Variants in TGFA observed in about 807,000 individuals in gnomAD.
TGFA encodes transforming growth factor alpha, also known as protransforming growth factor alpha.
TGFA carries 12 observed loss-of-function variants against 21.7 expected under a neutral mutation model. The ratio of observed to expected loss-of-function variants is 0.55; its 90% CI spans 0.35 to 0.90. The LOEUF is 0.90. Ranked by LOEUF, TGFA falls within the 40% of genes least tolerant of loss-of-function variation. The pLI is 0.01. For synonymous variants in TGFA, 79 were observed against 88.1 expected (o/e 0.90, Z 0.58); for missense variants, 178 against 210.8 (o/e 0.84, Z 0.96).
intron 4 of TGFA, 30 bp from the exon 5 acceptor site, chr2:70,453,357 C>T (rs1291571540): frequency 6.2e-7 from 1 of 1,602,088 alleles, no homozygotes; most frequent in Non-Finnish European, 8.5e-7. Flanking sequence ...CCAGTCTGGG[C>T]AGGAGCCTGG....
chr2:70,512,226 G>A (rs535430920), intron 2 of TGFA, among the ~76,000 whole-genome samples: 1 of 152,288 alleles, frequency 6.6e-6, no homozygotes, highest in South Asian at 2.1e-4. Context: ...TCATGTCTGG[G>A]TCTCATGGGG....
intron 2 of TGFA, among the ~76,000 whole-genome samples, chr2:70,513,371 A>C (rs1304591546): frequency 6.6e-6 from 1 of 152,128 alleles, no homozygotes; most frequent in Admixed American, 6.6e-5. Flanking sequence ...TTTCCTCCCT[A>C]TATGTTCATA....
chr2:70,457,466 G>A (rs953999466), intron 3 of TGFA, among the ~76,000 whole-genome samples: 23 of 151,624 alleles, frequency 1.5e-4, no homozygotes, highest in East Asian at 7.7e-4. Context: ...TTGTTACTTC[G>A]TTACTCCCTT....
intron 1 of TGFA, among the ~76,000 whole-genome samples, chr2:70,528,371 G>A (rs972170232): frequency 5.9e-5 from 9 of 152,258 alleles, no homozygotes; most frequent in Middle Eastern, 3.4e-3. Flanking sequence ...TGATCTCGCC[G>A]GGCTGGGCTG....
intron 2 of TGFA, among the ~76,000 whole-genome samples, chr2:70,490,805 A>G (rs1467337735): frequency 2.0e-5 from 3 of 152,214 alleles, no homozygotes; most frequent in African/African-American, 7.2e-5. Context: ...GACAAGTCTC[A>G]GCTTATGGTG....
At chr2:70,510,516 C>T (rs988660847) in intron 2 of TGFA, among the ~76,000 whole-genome samples, 1 of 152,114 alleles carries the variant, frequency 6.6e-6, no homozygotes, top group African/African-American at 2.4e-5. Context: ...CAAATCCAAA[C>T]AGGAACCAGA....
chr2:70,487,486 T>G (rs557086223), intron 2 of TGFA, among the ~76,000 whole-genome samples: 37 of 152,334 alleles, frequency 2.4e-4, no homozygotes, highest in African/African-American at 8.2e-4. Flanking sequence ...ATCTTGAAGG[T>G]AATTTTATAT....
intron 2 of TGFA, among the ~76,000 whole-genome samples, chr2:70,485,311 C>T (rs1209915428): frequency 6.6e-6 from 1 of 152,168 alleles, no homozygotes; most frequent in Non-Finnish European, 1.5e-5. Flanking sequence ...CGATCTGGCT[C>T]ACTGCAACCC....
chr2:70,470,289 C>A (rs1018522483), intron 2 of TGFA, among the ~76,000 whole-genome samples: 2 of 152,068 alleles, frequency 1.3e-5, no homozygotes, highest in Non-Finnish European at 2.9e-5. Context: ...AAACAGGCAC[C>A]AGGTTAATAC....
chr2:70,464,044 T>G (rs949570085), intron 3 of TGFA, among the ~76,000 whole-genome samples: 5 of 152,092 alleles, frequency 3.3e-5, no homozygotes, highest in Non-Finnish European at 5.9e-5. Context: ...TCTCTCCAGG[T>G]GAGGGCTCAG....
chr2:70,504,473 C>CATATATATATATATAT (rs376988843), intron 2 of TGFA, among the ~76,000 whole-genome samples: 4 of 78,808 alleles, frequency 5.1e-5, no homozygotes, highest in East Asian at 7.2e-4. Context: ...TACACACATA[C>CATATATATATATATAT]ATACATACAT....
intron 1 of TGFA, among the ~76,000 whole-genome samples, chr2:70,534,566 C>A (rs1028103307): frequency 1.8e-4 from 28 of 152,248 alleles, no homozygotes; most frequent in African/African-American, 6.5e-4. Context: ...AGCAAACAAG[C>A]CCCCACCAAT....
At position 70,456,477 on chromosome 2, in the gene TGFA, C is replaced by G; in HGVS notation, c.227G>C (p.Gly76Ala). 6.2e-7 allele frequency: 1 copy of G among 1,607,548 alleles called. No homozygotes were observed. Among genetic ancestry groups the G allele is most frequent in the Non-Finnish European group, 8.5e-7 (1 of 1,177,110 alleles). ...ATGCTCACAGCGTGCACCAACGTACCCAGAATGGCAGCTGGGGAAGAAAGG... is the reference window on the plus strand; with the variant it reads ...ATGCTCACAGCGTGCACCAACGTACGCAGAATGGCAGCTGGGGAAGAAAGG... ...EDKPACVCHS[G>A]YVGARCEHAD... is the part of the protein sequence containing the mutation. The change falls in exon 4 of 6, where the codon GGG (glycine) becomes GCG (alanine). Residue 76 changes from glycine to alanine, a missense_variant. By Grantham distance (60) the Gly-to-Ala change is moderately conservative (BLOSUM62 0). Coordinates refer to ENST00000295400, the MANE Select transcript of TGFA (RefSeq NM_003236.4).
chr2:70,479,258 T>TA (rs2103747873), intron 2 of TGFA, among the ~76,000 whole-genome samples: 1 of 152,344 alleles, frequency 6.6e-6, no homozygotes, highest in Admixed American at 6.5e-5. Flanking sequence ...TATATCCATA[T>TA]AACGAAATAT....
intron 4 of TGFA, among the ~76,000 whole-genome samples, chr2:70,454,111 T>A (rs1670146819): frequency 6.6e-6 from 1 of 152,178 alleles, no homozygotes; most frequent in Admixed American, 6.5e-5. Context: ...GAGAACTTTG[T>A]TTCCACTCAT....
chr2:70,469,824 G>A (rs1670681595), intron 2 of TGFA, among the ~76,000 whole-genome samples: 1 of 152,214 alleles, frequency 6.6e-6, no homozygotes, highest in Non-Finnish European at 1.5e-5. Flanking sequence ...TCGTGGTAAA[G>A]TATTAGGTCA....
At chr2:70,520,150 G>C (rs1553502069) in intron 1 of TGFA, among the ~76,000 whole-genome samples, 1 of 152,088 alleles carries the variant, frequency 6.6e-6, no homozygotes, top group Non-Finnish European at 1.5e-5. Context: ...ATAACTTCCA[G>C]GAAGTTCAGG....
chr2:70,482,949 G>T (rs1230373651), intron 2 of TGFA, among the ~76,000 whole-genome samples: 1 of 152,128 alleles, frequency 6.6e-6, no homozygotes, highest in Non-Finnish European at 1.5e-5. Context: ...AGTTAAAAAC[G>T]TCCTACCCTT....
intron 5 of TGFA, among the ~76,000 whole-genome samples, chr2:70,452,748 CCTGGCCAATA>C (rs1670096426): frequency 1.3e-5 from 2 of 152,200 alleles, no homozygotes; most frequent in South Asian, 4.2e-4. Context: ...TTGAGACCAG[CCTGGCCAATA>C]CTGCGAAACC....
Sources: allele counts gnomAD v4.1 joint callset (sites outside exome capture counted in the v4.1 genomes callset), GRCh38; gene constraint gnomAD v4.1.1; transcripts MANE v1.5; gene names NCBI Gene and HGNC (gene_info 2026-07-23, HGNC 2026-07-21).